The following SEMA3E variants were observed in gnomAD, a reference collection of about 807,000 sequenced individuals.
SEMA3E encodes the protein semaphorin 3E.
A neutral mutation model predicts 93.6 loss-of-function variants in SEMA3E; 49 were observed. That is an observed-to-expected ratio of 0.52 (90% CI 0.42 to 0.66). The LOEUF (loss-of-function observed/expected upper bound fraction) is 0.66, where lower values mean the gene tolerates loss of function less well. Among genes scored for constraint, SEMA3E ranks in the 30% least tolerant of loss-of-function variants. The pLI, the probability that SEMA3E is intolerant of heterozygous loss-of-function variation, is 0.00. For missense variants in SEMA3E, 906 were observed against 964.8 expected (o/e 0.94, Z 0.81); for synonymous variants, 363 against 330.7 (o/e 1.10, Z -1.06).
chr7:83,396,540 C>T, intron 12 of SEMA3E, 98 bp downstream of exon 12: 1 of 718,174 alleles, frequency 1.4e-6, no homozygotes. Context: ...CACAACATAC[C>T]TGTTAGGGAA....
At chr7:83,591,828 T>G (rs1197550866) in intron 1 of SEMA3E, among the ~76,000 whole-genome samples, 1 of 152,088 alleles carries the variant, frequency 6.6e-6, no homozygotes, top group Non-Finnish European at 1.5e-5. Flanking sequence ...CTCTACTTGA[T>G]ACAACAACTG....
At chr7:83,425,813 G>A (rs1788758794) in intron 4 of SEMA3E, among the ~76,000 whole-genome samples, 1 of 152,072 alleles carries the variant, frequency 6.6e-6, no homozygotes, top group South Asian at 2.1e-4. Context: ...CCTGCAGAAT[G>A]GGAGAAAATA....
At chr7:83,640,699 A>G (rs3757623) in intron 1 of SEMA3E, among the ~76,000 whole-genome samples, 18,196 of 152,228 alleles carry the variant, frequency 0.12, 1,168 homozygotes, top group East Asian at 0.2. Context: ...CAGAAGGCCA[A>G]TGAATACATA....
chr7:83,472,353 C>T (rs977384513), intron 2 of SEMA3E, among the ~76,000 whole-genome samples: 1 of 152,090 alleles, frequency 6.6e-6, no homozygotes, highest in African/African-American at 2.4e-5. Flanking sequence ...TTTAAAAATT[C>T]ATATTTATCT....
At chr7:83,621,653 C>T (rs113069667) in intron 1 of SEMA3E, among the ~76,000 whole-genome samples, 19 of 152,176 alleles carry the variant, frequency 1.2e-4, no homozygotes, top group African/African-American at 4.3e-4. Context: ...ACACATTGAC[C>T]GATGGAACAG....
At chr7:83,438,728 G>C (rs1220723365) in intron 4 of SEMA3E, among the ~76,000 whole-genome samples, 1 of 151,744 alleles carries the variant, frequency 6.6e-6, no homozygotes, top group Non-Finnish European at 1.5e-5. Context: ...ATTTAATATG[G>C]CTAAATAATT....
intron 5 of SEMA3E, among the ~76,000 whole-genome samples, chr7:83,411,198 G>A (rs956923669): frequency 6.6e-6 from 1 of 152,004 alleles, no homozygotes; most frequent in African/African-American, 2.4e-5. Context: ...GCCCTATGAT[G>A]CTAGATAATA....
At chr7:83,455,639 C>T (rs182803254) in intron 4 of SEMA3E, among the ~76,000 whole-genome samples, 2 of 152,292 alleles carry the variant, frequency 1.3e-5, no homozygotes, top group African/African-American at 4.8e-5. Context: ...CCTTATACTA[C>T]TTTATATGGC....
At chr7:83,492,727 T>TACACACAC (rs148334803) in intron 1 of SEMA3E, among the ~76,000 whole-genome samples, 1 of 150,478 alleles carries the variant, frequency 6.6e-6, no homozygotes, top group Non-Finnish European at 1.5e-5. Flanking sequence ...TATATATATG[T>TACACACAC]ACACACACAC....
intron 5 of SEMA3E, among the ~76,000 whole-genome samples, chr7:83,412,833 C>T (rs140024478): frequency 6.5e-4 from 97 of 149,706 alleles, no homozygotes; most frequent in Admixed American, 1.4e-3. Flanking sequence ...AAATATCAAA[C>T]GAAAGAAAAG....
intron 4 of SEMA3E, among the ~76,000 whole-genome samples, chr7:83,432,068 C>T (rs1198680356): frequency 1.3e-5 from 2 of 151,944 alleles, no homozygotes. Context: ...GCAGTGCAGC[C>T]TTTGAATCAT....
chr7:83,582,504 G>A (rs1044514994), intron 1 of SEMA3E, among the ~76,000 whole-genome samples: 43 of 151,996 alleles, frequency 2.8e-4, no homozygotes, highest in African/African-American at 1.0e-3. Context: ...AGAATCAGGA[G>A]CCATTCCATT....
At chr7:83,509,990 C>T (rs1287188030) in intron 1 of SEMA3E, among the ~76,000 whole-genome samples, 1 of 152,038 alleles carries the variant, frequency 6.6e-6, no homozygotes, top group Non-Finnish European at 1.5e-5. Flanking sequence ...ATAAAACTGA[C>T]CACTACTACT....
intron 1 of SEMA3E, among the ~76,000 whole-genome samples, chr7:83,546,117 G>A (rs926621857): frequency 4.7e-5 from 7 of 148,898 alleles, no homozygotes; most frequent in African/African-American, 1.5e-4. Context: ...ATTGGATAAA[G>A]AAAAACTGCA....
At chr7:83,388,542 T>A (rs1356932453) in intron 14 of SEMA3E, among the ~76,000 whole-genome samples, 7 of 151,870 alleles carry the variant, frequency 4.6e-5, no homozygotes, top group African/African-American at 9.7e-5. Context: ...GCTTCTCTAA[T>A]TCATGGCATT....
At chr7:83,590,042 A>G (rs1274073073) in intron 1 of SEMA3E, among the ~76,000 whole-genome samples, 1 of 152,148 alleles carries the variant, frequency 6.6e-6, no homozygotes, top group East Asian at 1.9e-4. Flanking sequence ...GATTGCAGAA[A>G]TTGTATTTCT....
At chr7:83,599,240 T>G (rs1792935605) in intron 1 of SEMA3E, among the ~76,000 whole-genome samples, 1 of 152,204 alleles carries the variant, frequency 6.6e-6, no homozygotes. Flanking sequence ...TCTAAAATAG[T>G]AAATCTAGAG....
Position 83,513,167 on chromosome 7 carries a change from T to C in SEMA3E, c.116-22893A>G, listed in dbSNP as rs139436904. Among the ~76,000 whole-genome samples the C allele has an allele frequency of 2.0e-5, 3 of 152,342 alleles. No homozygotes were observed. In the East Asian group the frequency reaches 5.8e-4, roughly 29 times the overall value. On this transcript the variant is annotated intron_variant, in intron 1 of 16. Coordinates refer to ENST00000643230, the MANE Select transcript of SEMA3E (RefSeq NM_012431.3). Reference sequence around the variant, plus strand: ...CCATGCTCACTCATTTCCAATTAGTTAGATGTGTCTTCCCAAGTAATAGGT... The same window carrying C: ...CCATGCTCACTCATTTCCAATTAGTCAGATGTGTCTTCCCAAGTAATAGGT...
chr7:83,446,395 G>A (rs576956318), intron 4 of SEMA3E, among the ~76,000 whole-genome samples: 1 of 152,298 alleles, frequency 6.6e-6, no homozygotes, highest in South Asian at 2.1e-4. Flanking sequence ...CAGAACCAAG[G>A]CCAATGAATT....
Sources: gnomAD v4.1 joint callset for allele counts (sites outside exome capture counted in the v4.1 genomes callset) on GRCh38, gnomAD v4.1.1 for gene constraint, MANE v1.5 for transcripts, NCBI Gene and HGNC (gene_info 2026-07-23, HGNC 2026-07-21) for gene names.